The following USH2A variants were observed in gnomAD, a reference collection of about 807,000 sequenced individuals.
The protein encoded by USH2A is Usher syndrome 2A (autosomal recessive, mild).
A neutral mutation model predicts 538.9 loss-of-function variants in USH2A; 443 were observed. The observed-to-expected ratio is 0.82, with a 90% CI of 0.76 to 0.89. The LOEUF (loss-of-function observed/expected upper bound fraction) is 0.89, where lower values mean the gene tolerates loss of function less well. Ranked by LOEUF, USH2A falls within the 40% of genes least tolerant of loss-of-function variation. The pLI, the probability that USH2A is intolerant of heterozygous loss-of-function variation, is 0.00. For missense variants in USH2A, 6,633 were observed against 6,324.8 expected (o/e 1.05, Z -1.65); for synonymous variants, 2,413 against 2,273.5 (o/e 1.06, Z -1.75).
Position 215,627,426 on chromosome 1 carries a change from TTCCTTCC to T in USH2A, c.15519+1381_15519+1387del, listed in dbSNP as rs1558027373. On this transcript the variant is annotated intron_variant, in intron 71 of 71. Coordinates refer to ENST00000307340, the MANE Select transcript of USH2A (RefSeq NM_206933.4). The stretch of plus-strand genomic sequence containing the variant: ...CTTCCTTCCTTCCTTCCTTCCTTCC[TTCCTTCC>T]TTCCTTCCTTCCTTCCTTCCTTCCT... Among the ~76,000 whole-genome samples, 333 of 124,216 alleles carry T rather than the reference TTCCTTCC, an allele frequency of 2.7e-3. 4 individuals are homozygous for T. The highest frequency in any genetic ancestry group is 9.8e-3 in the East Asian group (39 of 3,962). 81.5% of individuals were successfully genotyped at this position (124,216 alleles called of 152,430 possible). A position where few individuals can be genotyped will look rare whatever the true frequency, so the allele number is the denominator to read the frequency against.
chr1:215,680,796 G>T (rs2102672362), intron 61 of USH2A, among the ~76,000 whole-genome samples: 1 of 152,222 alleles, frequency 6.6e-6, no homozygotes, highest in African/African-American at 2.4e-5. Flanking sequence ...GGTTTGGAGA[G>T]TTAACCTGAA....
At chr1:215,776,225 G>T (rs1470297908) in intron 55 of USH2A, among the ~76,000 whole-genome samples, 1 of 152,164 alleles carries the variant, frequency 6.6e-6, no homozygotes, top group Non-Finnish European at 1.5e-5. Flanking sequence ...TGCGCTGTTT[G>T]CATTAGCGAA....
intron 43 of USH2A, among the ~76,000 whole-genome samples, chr1:215,872,857 G>A (rs548775489): frequency 2.0e-5 from 3 of 151,752 alleles, no homozygotes; most frequent in Non-Finnish European, 4.4e-5. Context: ...TCCTCCCAGC[G>A]CCCTCTTGCT....
At chr1:215,804,065 A>G (rs1260331418) in intron 49 of USH2A, among the ~76,000 whole-genome samples, 1 of 152,208 alleles carries the variant, frequency 6.6e-6, no homozygotes, top group Admixed American at 6.5e-5. Context: ...TGGTGCTGGG[A>G]AAACTGGCTA....
At chr1:216,049,472 A>G (rs1005749574) in intron 30 of USH2A, among the ~76,000 whole-genome samples, 3 of 152,016 alleles carry the variant, frequency 2.0e-5, no homozygotes, top group Admixed American at 2.0e-4. Context: ...CCAAAATATA[A>G]CTTGTGCTTT....
At chr1:216,140,720 G>T (rs2033585783) in intron 21 of USH2A, among the ~76,000 whole-genome samples, 1 of 152,150 alleles carries the variant, frequency 6.6e-6, no homozygotes, top group Non-Finnish European at 1.5e-5. Context: ...CCAGCTCAGG[G>T]GCCTGAAGGG....
chr1:215,919,513 G>C (rs1443902319), intron 38 of USH2A, among the ~76,000 whole-genome samples: 1 of 151,978 alleles, frequency 6.6e-6, no homozygotes, highest in Non-Finnish European at 1.5e-5. Context: ...CTGATCTTAG[G>C]ATTCACACTC....
At chr1:216,282,827 T>A (rs976223630) in intron 11 of USH2A, among the ~76,000 whole-genome samples, 1 of 152,200 alleles carries the variant, frequency 6.6e-6, no homozygotes, top group African/African-American at 2.4e-5. Context: ...TTTAATAATA[T>A]TAAGTCTTCT....
intron 21 of USH2A, 171 bp downstream of exon 21, chr1:216,175,081 G>A (rs1350212211): frequency 6.9e-7 from 1 of 1,442,728 alleles, no homozygotes; most frequent in Non-Finnish European, 9.1e-7. Context: ...TTTTTCCCCA[G>A]AATTCTAAAA....
intron 50 of USH2A, among the ~76,000 whole-genome samples, chr1:215,794,302 G>C (rs1662062355): frequency 6.6e-6 from 1 of 152,214 alleles, no homozygotes; most frequent in Non-Finnish European, 1.5e-5. Context: ...AAGGGCTCCT[G>C]CAGGCAAATA....
At chr1:215,700,903 G>A (rs899206693) in intron 61 of USH2A, among the ~76,000 whole-genome samples, 1 of 152,072 alleles carries the variant, frequency 6.6e-6, no homozygotes. Flanking sequence ...TGATGTTAGG[G>A]TGTTGATTTT....
Position 215,845,895 on chromosome 1 carries a change from A to G in USH2A, c.8984T>C (p.Ile2995Thr). Residue 2995 changes from isoleucine (I) to threonine (T), a missense_variant, in exon 45 of 72, where the codon ATC becomes ACC. Coordinates refer to ENST00000307340, the MANE Select transcript of USH2A (RefSeq NM_206933.4). ...GACTCCATTGAAGACAGAGATAAAGATCCAATACTCTGTGTTTGGCTTTAG... is the reference window on the plus strand; with the variant it reads ...GACTCCATTGAAGACAGAGATAAAGGTCCAATACTCTGTGTTTGGCTTTAG... Reference protein sequence around the residue: ...GHLKPNTEYWIFISVFNGVHS... With the variant: ...GHLKPNTEYWTFISVFNGVHS... 7 of 1,613,920 alleles carry G rather than the reference A, an allele frequency of 4.3e-6. No individual in the cohort carries two copies. Among genetic ancestry groups the G allele is most frequent in the Non-Finnish European group, 5.9e-6 (7 of 1,179,934 alleles).
chr1:216,254,856 T>C (rs1472393912), intron 11 of USH2A, among the ~76,000 whole-genome samples: 1 of 152,142 alleles, frequency 6.6e-6, no homozygotes, highest in Admixed American at 6.5e-5. Flanking sequence ...CCTAAATAAA[T>C]ACGCAATTTT....
chr1:216,101,088 A>G (rs1356631328), intron 21 of USH2A, among the ~76,000 whole-genome samples: 1 of 152,204 alleles, frequency 6.6e-6, no homozygotes, highest in Non-Finnish European at 1.5e-5. Flanking sequence ...ATAAATAATG[A>G]ATGTCTTTTG....
chr1:215,917,344 C>A (rs1181764977), intron 38 of USH2A, among the ~76,000 whole-genome samples: 2 of 152,010 alleles, frequency 1.3e-5, no homozygotes, highest in East Asian at 1.9e-4. Context: ...AGATTAAATT[C>A]TTTTTCCTTG....
At chr1:216,393,669 A>G (rs2039151548) in intron 3 of USH2A, among the ~76,000 whole-genome samples, 1 of 152,182 alleles carries the variant, frequency 6.6e-6, no homozygotes, top group African/African-American at 2.4e-5. Flanking sequence ...TTCTCATGCT[A>G]TACTCCACTC....
At chr1:215,671,506 T>C (rs1044444618) in intron 63 of USH2A, among the ~76,000 whole-genome samples, 4 of 152,090 alleles carry the variant, frequency 2.6e-5, no homozygotes, top group Non-Finnish European at 5.9e-5. Context: ...CCCGCCTGGG[T>C]GACAGAGCAA....
intron 32 of USH2A, among the ~76,000 whole-genome samples, chr1:216,016,820 G>A (rs1668723209): frequency 6.7e-6 from 1 of 149,154 alleles, no homozygotes; most frequent in Admixed American, 6.7e-5. Flanking sequence ...GGGGAGCCCA[G>A]CCTGCTGAGG....
At chr1:216,188,829 A>T (rs2034659251) in intron 20 of USH2A, among the ~76,000 whole-genome samples, 1 of 151,928 alleles carries the variant, frequency 6.6e-6, no homozygotes, top group South Asian at 2.1e-4. Flanking sequence ...TTGCATGGCC[A>T]CGTGCTTGGG....
Sources: gnomAD v4.1 joint callset for allele counts (sites outside exome capture counted in the v4.1 genomes callset) on GRCh38, gnomAD v4.1.1 for gene constraint, MANE v1.5 for transcripts, NCBI Gene and HGNC (gene_info 2026-07-23, HGNC 2026-07-21) for gene names.